The following TYW1B variants were observed in gnomAD, a reference collection of about 807,000 sequenced individuals.
The protein encoded by TYW1B is S-adenosyl-L-methionine-dependent tRNA 4-demethylwyosine synthase TYW1B.
In TYW1B, 73 loss-of-function variants were observed where a neutral mutation model predicts 86.9. The ratio of observed to expected loss-of-function variants is 0.84; its 90% confidence interval spans 0.70 to 1.02. TYW1B has a LOEUF of 1.02. Among genes scored for constraint, TYW1B ranks in the 50% least tolerant of loss-of-function variants. The pLI, the probability that TYW1B is intolerant of heterozygous loss-of-function variation, is 0.00. For missense variants in TYW1B, 637 were observed against 827.4 expected (o/e 0.77, Z 2.82); for synonymous variants, 248 against 292.8 (o/e 0.85, Z 1.56).
intron 11 of TYW1B, among the ~76,000 whole-genome samples, chr7:72,694,124 C>A (rs1585908241): frequency 6.6e-6 from 1 of 151,942 alleles, no homozygotes; most frequent in Admixed American, 6.6e-5. Flanking sequence ...TCACAACTGG[C>A]TAATTTTTTG....
chr7:72,585,322 G>C (rs1811248269), intron 13 of TYW1B, among the ~76,000 whole-genome samples: 1 of 152,314 alleles, frequency 6.6e-6, no homozygotes, highest in South Asian at 2.1e-4. Flanking sequence ...TTCAAGAGTT[G>C]AAATAAGAAG....
intron 11 of TYW1B, among the ~76,000 whole-genome samples, chr7:72,630,519 G>C (rs1458860306): frequency 2.7e-5 from 4 of 150,758 alleles, no homozygotes; most frequent in Non-Finnish European, 4.4e-5. Context: ...AAAAAAAACA[G>C]TAAAGTGAAA....
chr7:72,705,278 T>C (rs1814585028), intron 10 of TYW1B, among the ~76,000 whole-genome samples: 1 of 152,218 alleles, frequency 6.6e-6, no homozygotes, highest in African/African-American at 2.4e-5. Flanking sequence ...ATCCAGTTTA[T>C]AGAGGTTCTC....
At chr7:72,653,576 C>T (rs1302349166) in intron 11 of TYW1B, among the ~76,000 whole-genome samples, 1 of 151,500 alleles carries the variant, frequency 6.6e-6, no homozygotes, top group Admixed American at 6.6e-5. Flanking sequence ...CACTGCACTC[C>T]AGCCTGGGCG....
intron 13 of TYW1B, among the ~76,000 whole-genome samples, chr7:72,593,059 T>C (rs1482124303): frequency 6.6e-6 from 1 of 152,074 alleles, no homozygotes; most frequent in Non-Finnish European, 1.5e-5. Flanking sequence ...TCCCAGCACT[T>C]TGGGAGGCCA....
At chr7:72,729,915 A>C (rs1302175003) in intron 8 of TYW1B, among the ~76,000 whole-genome samples, 3 of 152,122 alleles carry the variant, frequency 2.0e-5, no homozygotes, top group African/African-American at 4.8e-5. Flanking sequence ...CTGCCTCCAC[A>C]AACACCCACA....
At chr7:72,727,047 C>A (rs1201949678) in intron 9 of TYW1B, among the ~76,000 whole-genome samples, 1 of 152,086 alleles carries the variant, frequency 6.6e-6, no homozygotes, top group Non-Finnish European at 1.5e-5. Context: ...TTACCTCCAC[C>A]GGTCTCTCTC....
intron 9 of TYW1B, among the ~76,000 whole-genome samples, chr7:72,714,554 T>C (rs1786741520): frequency 6.6e-6 from 1 of 151,720 alleles, no homozygotes; most frequent in Non-Finnish European, 1.5e-5. Context: ...GTCTGGGAGA[T>C]TGAGGCTGCA....
rs570707296 is a variant in TYW1B at position 72,802,514 on chromosome 7, T to G, written c.732A>C (p.Glu244Asp). 3.7e-5 allele frequency: 60 copies of G among 1,613,742 alleles called. No homozygotes were observed. In the African/African-American group the frequency reaches 6.7e-4, roughly 18 times the overall value. The change falls in exon 6 of 14, where the codon GAA becomes GAC. Residue 244 changes from glutamate (E) to aspartate (D), a missense_variant. By Grantham distance (45) the Glu-to-Asp change is conservative (BLOSUM62 2). Transcript: ENST00000620995. ...ELHHRDTKEE[E>D]PFESSSEEEF... The stretch of plus-strand genomic sequence containing the variant: ...CTTCTTCACTGGAGCTCTCGAAGGG[T>G]TCTTCCTCCTGGAAGAGAAATGCTT...
rs1318663847 is a variant in TYW1B at position 72,801,650 on chromosome 7, T to G, written c.846+750A>C. 3.9e-5 allele frequency among the ~76,000 whole-genome samples: 6 copies of G among 152,114 alleles called. No individual in the cohort carries two copies. The East Asian group carries it at 1.2e-3, about 29-fold the overall frequency. On this transcript the variant is annotated intron_variant, in intron 6 of 13. Transcript: ENST00000620995. ...GCTGTTATTTTTATAGTATAGTATG[T>G]ACAATATTACTTCAATTTTAGATCA...
At chr7:72,600,460 A>G (rs1554433505) in intron 13 of TYW1B, among the ~76,000 whole-genome samples, 1 of 152,206 alleles carries the variant, frequency 6.6e-6, no homozygotes, top group African/African-American at 2.4e-5. Context: ...ATTTTTAGAT[A>G]CACCATCAAA....
intron 3 of TYW1B, among the ~76,000 whole-genome samples, chr7:72,814,868 C>A (rs1274676770): frequency 2.0e-5 from 3 of 150,122 alleles, no homozygotes; most frequent in Non-Finnish European, 4.4e-5. Flanking sequence ...AATTTGAGAC[C>A]AGCCTGGCCA....
At chr7:72,648,152 A>C (rs1259706568) in intron 11 of TYW1B, among the ~76,000 whole-genome samples, 2 of 152,212 alleles carry the variant, frequency 1.3e-5, no homozygotes, top group African/African-American at 4.8e-5. Context: ...ATACATATAC[A>C]CTTTTTAATA....
intron 6 of TYW1B, among the ~76,000 whole-genome samples, chr7:72,777,915 C>T (rs2129572047): frequency 6.6e-6 from 1 of 152,018 alleles, no homozygotes; most frequent in South Asian, 2.1e-4. Flanking sequence ...GACTCTGTCT[C>T]AAAAAATAAA....
intron 6 of TYW1B, among the ~76,000 whole-genome samples, chr7:72,782,445 G>A (rs369549783): frequency 4.7e-5 from 7 of 150,526 alleles, no homozygotes; most frequent in Non-Finnish European, 8.9e-5. Context: ...CTATACAGTC[G>A]GAAACTGATA....
Position 72,728,910 on chromosome 7 carries a change from G to C in TYW1B, c.1104C>G (p.Gly368=), listed in dbSNP as rs1554459273. 6 of 1,613,788 alleles carry C rather than the reference G, an allele frequency of 3.7e-6. No homozygotes were observed. Among genetic ancestry groups the C allele is most frequent in the African/African-American group, 1.3e-5 (1 of 74,924 alleles). The change falls in exon 9 of 14, where the codon GGC becomes GGG. Residue 368 remains glycine (G), a synonymous_variant. Transcript: ENST00000620995. Reference sequence around the variant, plus strand: ...GGTCCATCTTCCACAACCATTCAGTGCCCACAGGGTTGTTGTGGTGCCTAG... The same window carrying C: ...GGTCCATCTTCCACAACCATTCAGTCCCCACAGGGTTGTTGTGGTGCCTAG... ...FCWWHHNNPV[G]TEWLWKMDQP...
intron 6 of TYW1B, among the ~76,000 whole-genome samples, chr7:72,798,392 A>G (rs1305301984): frequency 6.7e-6 from 1 of 148,466 alleles, no homozygotes; most frequent in Non-Finnish European, 1.5e-5. Context: ...CTCCGTCTCA[A>G]AAAAAAAAAA....
At chr7:72,812,986 A>G (rs12154743) in intron 3 of TYW1B, among the ~76,000 whole-genome samples, 142,053 of 152,060 alleles carry the variant, frequency 0.93, 66,455 homozygotes, top group African/African-American at 0.98. Context: ...GAGCCACCCC[A>G]CCTGGCCTCT....
At chr7:72,739,387 C>T (rs1225353083) in intron 8 of TYW1B, among the ~76,000 whole-genome samples, 9 of 151,898 alleles carry the variant, frequency 5.9e-5, no homozygotes, top group African/African-American at 1.2e-4. Flanking sequence ...GGGCAGATCA[C>T]GAGGTGAGGA....
Sources: allele counts gnomAD v4.1 joint callset (sites outside exome capture counted in the v4.1 genomes callset), GRCh38; gene constraint gnomAD v4.1.1; transcripts MANE v1.5; gene names NCBI Gene and HGNC (gene_info 2026-07-23, HGNC 2026-07-21).